DOCK9: variants seen among roughly 807,000 people sequenced by gnomAD.
DOCK9 encodes dedicator of cytokinesis 9.
A neutral mutation model predicts 263.3 loss-of-function variants in DOCK9; 89 were observed. The observed-to-expected ratio is 0.34, with a 90% CI of 0.28 to 0.40. The LOEUF (loss-of-function observed/expected upper bound fraction) is 0.40. DOCK9 is among the 10% of genes least tolerant of loss of function. DOCK9 has a pLI of 1.00. For missense variants in DOCK9, 2,140 were observed against 2,603.4 expected (o/e 0.82, Z 3.87); for synonymous variants, 976 against 973.1 (o/e 1.00, Z -0.06).
At chr13:99,044,034 C>T (rs148485874) in intron 1 of DOCK9, among the ~76,000 whole-genome samples, 4,209 of 152,244 alleles carry the variant, frequency 0.028, 93 homozygotes, top group South Asian at 0.063. Flanking sequence ...CCATGTAACC[C>T]AATTGTGATT....
rs1370915290 is a variant in DOCK9 at position 98,829,252 on chromosome 13, T to TG, written c.4965+54dup. ...TCTCAAAACTGGCTTTTTAAGTGAA[T>TG]GGGGCCTCACTGGTTTTTTCAAAAA... On this transcript the variant is annotated intron_variant, in intron 43 of 52. Coordinates refer to ENST00000682017, the MANE Select transcript of DOCK9 (RefSeq NM_001366683.2). This position sits in a 1 kb window ranked among gnomAD's most constrained non-coding sequence, Gnocchi z 4.1. 2.3e-5 allele frequency: 35 copies of TG among 1,500,350 alleles called. No individual in the cohort carries two copies. In the East Asian group the frequency reaches 7.2e-4, roughly 31 times the overall value. 92.9% of individuals were successfully genotyped at this position (1,500,350 alleles called of 1,614,324 possible).
At chr13:98,902,536 G>T (rs1440601478) in intron 11 of DOCK9, 45 bp from the exon 12 acceptor site, 12 of 1,568,518 alleles carry the variant, frequency 7.7e-6, no homozygotes, top group Non-Finnish European at 1.0e-5. Flanking sequence ...GCTCAAACAG[G>T]GACAAAAGAA....
intron 1 of DOCK9, among the ~76,000 whole-genome samples, chr13:98,991,410 T>G (rs886545635): frequency 8.5e-5 from 13 of 152,278 alleles, no homozygotes; most frequent in African/African-American, 3.1e-4. Context: ...CAGGAGTAGC[T>G]AGACCTGTGC....
intron 1 of DOCK9, among the ~76,000 whole-genome samples, chr13:98,973,671 A>C (rs1284113460): frequency 1.3e-5 from 2 of 152,252 alleles, no homozygotes; most frequent in Middle Eastern, 3.4e-3. Flanking sequence ...ATCTCTGCTC[A>C]CTGCAGCCTC....
At chr13:99,008,834 G>A (rs893113605) in intron 1 of DOCK9, among the ~76,000 whole-genome samples, 12 of 152,236 alleles carry the variant, frequency 7.9e-5, no homozygotes, top group South Asian at 2.1e-4. Context: ...TTAGGGCCCC[G>A]CCTTTATGAC....
intron 1 of DOCK9, among the ~76,000 whole-genome samples, chr13:99,029,206 CAG>C (rs1441007590): frequency 2.0e-5 from 3 of 152,196 alleles, no homozygotes; most frequent in African/African-American, 7.2e-5. Context: ...ACACTCCCCT[CAG>C]AAACAGCTGC....
chr13:98,982,255 C>G (rs1877390134), upstream of DOCK9, among the ~76,000 whole-genome samples: 1 of 152,188 alleles, frequency 6.6e-6, no homozygotes, highest in African/African-American at 2.4e-5. Flanking sequence ...CAATTTGTGA[C>G]TCAAAGGAAA....
At position 98,905,411 on chromosome 13, in the gene DOCK9, G is replaced by A. The variant is rs181395130; in HGVS notation, c.961-705C>T. The stretch of plus-strand genomic sequence containing the variant: ...TTAAAGTACAGTGGGAGCTGACTTG[G>A]ACTAGGGGGTGGTCGTCAGAAACCA... On this transcript the variant is annotated intron_variant, in intron 9 of 52. Transcript: ENST00000682017. 5.6e-3 allele frequency among the ~76,000 whole-genome samples: 856 copies of A among 152,284 alleles called. 6 individuals carry two copies. Among genetic ancestry groups the A allele is most frequent in the Non-Finnish European group, 8.7e-3 (595 of 68,006 alleles).
At chr13:98,863,641 A>G (rs1350969294) in intron 30 of DOCK9, 93 bp from the exon 31 acceptor site, 6 of 1,329,494 alleles carry the variant, frequency 4.5e-6, no homozygotes, top group Non-Finnish European at 6.1e-6. Flanking sequence ...ACTAAGACCC[A>G]TCCTCTGCAT....
chr13:98,897,362 T>A (rs1277704296), intron 15 of DOCK9, 126 bp downstream of exon 15: 25 of 1,185,988 alleles, frequency 2.1e-5, no homozygotes, highest in Non-Finnish European at 3.0e-5. Flanking sequence ...GAGGAAATGC[T>A]TCACGCTCAT....
At chr13:98,869,927 C>A (rs928741652) in intron 27 of DOCK9, among the ~76,000 whole-genome samples, 11 of 152,210 alleles carry the variant, frequency 7.2e-5, no homozygotes, top group Admixed American at 3.9e-4. Flanking sequence ...ACATCGCAGG[C>A]TGGATAACTG....
intron 1 of DOCK9, among the ~76,000 whole-genome samples, chr13:99,047,302 G>A (rs528495997): frequency 1.6e-4 from 24 of 152,334 alleles, no homozygotes; most frequent in African/African-American, 5.1e-4. Flanking sequence ...GGATGGGGCA[G>A]AGAACCACAG....
At chr13:98,924,386 C>T (rs954655840) in intron 4 of DOCK9, among the ~76,000 whole-genome samples, 10 of 152,226 alleles carry the variant, frequency 6.6e-5, no homozygotes, top group South Asian at 6.2e-4. Flanking sequence ...AAGAAAAATA[C>T]ATTAATCAGG....
chr13:99,022,560 G>T (rs1886243485), intron 1 of DOCK9, among the ~76,000 whole-genome samples: 1 of 152,194 alleles, frequency 6.6e-6, no homozygotes. Flanking sequence ...TCCAGGGAGG[G>T]ACGGTGGGGG....
At chr13:98,997,719 G>A (rs1881373306) in intron 1 of DOCK9, among the ~76,000 whole-genome samples, 1 of 152,330 alleles carries the variant, frequency 6.6e-6, no homozygotes, top group East Asian at 1.9e-4. Flanking sequence ...TTGCTGGCTT[G>A]CAATTCCAGC....
chr13:99,068,536 C>A (rs1370025152), intron 1 of DOCK9, among the ~76,000 whole-genome samples: 1 of 152,136 alleles, frequency 6.6e-6, no homozygotes, highest in South Asian at 2.1e-4. Flanking sequence ...GAGCCCAGAT[C>A]GCGCCCTGCA....
chr13:98,923,436 T>C lies in DOCK9; in HGVS notation c.417-65A>G, dbSNP rs2052405830. The C allele has an allele frequency of 8.0e-6, 11 of 1,379,370 alleles. No individual in the cohort carries two copies. The East Asian group carries it at 1.1e-4, about 14-fold the overall frequency. 85.4% of individuals were successfully genotyped at this position (1,379,370 alleles called of 1,614,324 possible). A position where few individuals can be genotyped will look rare whatever the true frequency, so the allele number is the denominator to read the frequency against. Reference sequence around the variant, plus strand: ...AGTCAAGGAAGAGGCTTTGCATTTCTTCCTCCATCATAGGGCCCGGCCTTT... The same window carrying C: ...AGTCAAGGAAGAGGCTTTGCATTTCCTCCTCCATCATAGGGCCCGGCCTTT... On this transcript the variant is annotated intron_variant, in intron 4 of 52. Coordinates refer to ENST00000682017, the MANE Select transcript of DOCK9 (RefSeq NM_001366683.2).
chr13:98,849,724 A>T (rs1354313905), intron 36 of DOCK9, among the ~76,000 whole-genome samples: 1 of 152,228 alleles, frequency 6.6e-6, no homozygotes, highest in Non-Finnish European at 1.5e-5. Context: ...CATCAGCTTA[A>T]GTTAGGTTCA....
chr13:98,856,095 G>C (rs2093700342), intron 33 of DOCK9, 64 bp from the exon 34 acceptor site: 1 of 1,539,800 alleles, frequency 6.5e-7, no homozygotes, highest in Non-Finnish European at 8.9e-7. Context: ...GATGAGTACT[G>C]AACTTTAAGG....
Sources: gnomAD v4.1 joint callset for allele counts (sites outside exome capture counted in the v4.1 genomes callset) on GRCh38, gnomAD v4.1.1 for gene constraint, Gnocchi (gnomAD v3.1) non-coding constraint, MANE v1.5 for transcripts, NCBI Gene and HGNC (gene_info 2026-07-23, HGNC 2026-07-21) for gene names.